Variants in HNRNPUL1 observed in about 807,000 individuals in gnomAD.
HNRNPUL1 encodes heterogeneous nuclear ribonucleoprotein U like 1.
In HNRNPUL1, 14 loss-of-function variants were observed where a neutral mutation model predicts 108.5. That is an observed-to-expected ratio of 0.13 (90% confidence interval 0.09 to 0.20). HNRNPUL1 has a LOEUF of 0.20. Ranked by LOEUF, HNRNPUL1 falls within the 10% of genes least tolerant of loss-of-function variation. The probability of loss-of-function intolerance (pLI) is 1.00; values close to 1 mark genes in which losing one functional copy is unlikely to be tolerated. For synonymous variants in HNRNPUL1, 422 were observed against 445.2 expected, an observed-to-expected ratio of 0.95 and a Z score of 0.66; for missense variants, 804 against 1,168.3, an observed-to-expected ratio of 0.69 and a Z score of 4.55.
intron 7 of HNRNPUL1, among the ~76,000 whole-genome samples, chr19:41,288,127 C>T (rs1461199332): frequency 7.2e-6 from 1 of 138,280 alleles, no homozygotes; most frequent in African/African-American, 2.7e-5. Flanking sequence ...TCTTTAGACA[C>T]CCCCCCTCCC....
Position 41,299,984 on chromosome 19 carries a change from G to A in HNRNPUL1, c.1519-1552G>A, listed in dbSNP as rs1443113310. The stretch of plus-strand genomic sequence containing the variant: ...CACGTGGACTCATTCAGTCCTCACA[G>A]CAACCCTAAGACATCCATGCCGTTT... On this transcript the variant is annotated intron_variant, in intron 10 of 14. Coordinates refer to ENST00000392006, the MANE Select transcript of HNRNPUL1 (RefSeq NM_007040.6). Among the ~76,000 whole-genome samples, 4 of 152,220 alleles carry A rather than the reference G, an allele frequency of 2.6e-5. No homozygotes were observed. In the East Asian group the frequency reaches 7.7e-4, roughly 29 times the overall value.
Position 41,292,875 on chromosome 19 carries a change from C to T in HNRNPUL1, c.1266+364C>T, listed in dbSNP as rs575438677. On this transcript the variant is annotated intron_variant, in intron 8 of 14. Coordinates refer to ENST00000392006, the MANE Select transcript of HNRNPUL1 (RefSeq NM_007040.6). This position sits in a 1 kb window ranked among gnomAD's most constrained non-coding sequence, Gnocchi z 4.1. ...TTTTTTTTCTTTAGAGACAGGGTCTCGCTCTGTCACCCAGGCTGGAGTGCA... is the reference window on the plus strand; with the variant it reads ...TTTTTTTTCTTTAGAGACAGGGTCTTGCTCTGTCACCCAGGCTGGAGTGCA... Among the ~76,000 whole-genome samples the T allele has an allele frequency of 3.9e-5, 6 of 152,116 alleles. No homozygotes were observed. Among genetic ancestry groups the T allele is most frequent in the South Asian group, 2.1e-4 (1 of 4,808 alleles).
chr19:41,285,907 G>A (rs1050375292), intron 7 of HNRNPUL1, among the ~76,000 whole-genome samples: 9 of 152,106 alleles, frequency 5.9e-5, no homozygotes, highest in Non-Finnish European at 7.3e-5. Context: ...AGTGGCTCAC[G>A]CCTGTAATCC....
At chr19:41,291,347 G>T (rs755999646) in intron 7 of HNRNPUL1, among the ~76,000 whole-genome samples, 1 of 152,208 alleles carries the variant, frequency 6.6e-6, no homozygotes, top group Non-Finnish European at 1.5e-5. Flanking sequence ...GCAGACATGT[G>T]TATCAGAAAG....
At chr19:41,282,216 CTT>C (rs1380125976) in intron 7 of HNRNPUL1, among the ~76,000 whole-genome samples, 1 of 152,002 alleles carries the variant, frequency 6.6e-6, no homozygotes, top group Non-Finnish European at 1.5e-5. Flanking sequence ...GTTTTTTGCT[CTT>C]GTTGCCCAGG....
intron 7 of HNRNPUL1, among the ~76,000 whole-genome samples, chr19:41,282,018 A>G (rs1158590029): frequency 6.6e-6 from 1 of 152,226 alleles, no homozygotes; most frequent in Non-Finnish European, 1.5e-5. Context: ...AGTGCTCAGT[A>G]AATACCACTT....
At chr19:41,271,186 C>T (rs552744026) in intron 2 of HNRNPUL1, among the ~76,000 whole-genome samples, 4 of 152,308 alleles carry the variant, frequency 2.6e-5, no homozygotes, top group Admixed American at 6.5e-5. Flanking sequence ...GTTAAATCCC[C>T]AGACATTTCT....
intron 4 of HNRNPUL1, among the ~76,000 whole-genome samples, chr19:41,275,940 TAAA>T (rs111925003): frequency 2.0e-5 from 3 of 151,952 alleles, no homozygotes; most frequent in Admixed American, 6.6e-5. Context: ...CTATCTCTAC[TAAA>T]AAATACAAAA....
chr19:41,290,982 G>T (rs2036543586), intron 7 of HNRNPUL1, among the ~76,000 whole-genome samples: 1 of 152,224 alleles, frequency 6.6e-6, no homozygotes, highest in African/African-American at 2.4e-5. Context: ...GGAGGCGGAG[G>T]TTGTGGTGGG....
intron 6 of HNRNPUL1, among the ~76,000 whole-genome samples, chr19:41,280,634 C>T (rs986710499): frequency 6.6e-5 from 10 of 152,146 alleles, no homozygotes; most frequent in Non-Finnish European, 1.3e-4. Context: ...TCTTTGGGTT[C>T]TGCCCGGAAT....
At chr19:41,275,640 G>C (rs975425118) in intron 4 of HNRNPUL1, among the ~76,000 whole-genome samples, 12 of 152,162 alleles carry the variant, frequency 7.9e-5, no homozygotes, top group Non-Finnish European at 1.6e-4. Context: ...GTTCCTCTCT[G>C]AGGTCATACA....
At position 41,294,889 on chromosome 19, in the gene HNRNPUL1, TACTC is replaced by T. The variant is rs2036796415; in HGVS notation, c.1518+205_1518+208del. Among the ~76,000 whole-genome samples, 3 of 152,162 alleles carry T rather than the reference TACTC, an allele frequency of 2.0e-5. No individual in the cohort carries two copies. Among genetic ancestry groups the T allele is most frequent in the Non-Finnish European group, 4.4e-5 (3 of 68,034 alleles). On this transcript the variant is annotated intron_variant, in intron 10 of 14. Coordinates refer to ENST00000392006, the MANE Select transcript of HNRNPUL1 (RefSeq NM_007040.6). This position sits in a 1 kb window ranked among gnomAD's most constrained non-coding sequence, Gnocchi z 4.3. ...ACTGGGATCATGATCTAGGCCTACT[TACTC>T]AGACTCATCAGCAGCCCCAAAGAAC...
At chr19:41,279,552 C>T (rs1599791102) in intron 6 of HNRNPUL1, among the ~76,000 whole-genome samples, 1 of 152,100 alleles carries the variant, frequency 6.6e-6, no homozygotes, top group African/African-American at 2.4e-5. Flanking sequence ...GGAGCCTAAC[C>T]TAGAGGAAAA....
At chr19:41,274,159 T>C (rs1160949958) in intron 4 of HNRNPUL1, 104 bp downstream of exon 4, 35 of 931,410 alleles carry the variant, frequency 3.8e-5, no homozygotes, top group Middle Eastern at 2.1e-4. Flanking sequence ...CCAAAGACAT[T>C]GTTAGTCCAC....
Position 41,268,217 on chromosome 19 carries a change from T to G in HNRNPUL1, c.296-6T>G, listed in dbSNP as rs1188377900. On this transcript the variant is annotated splice_polypyrimidine_tract_variant and splice_region_variant and intron_variant, in intron 1 of 14. Coordinates refer to ENST00000392006, the MANE Select transcript of HNRNPUL1 (RefSeq NM_007040.6). ...TCTAATTGGCCATTTTTAATTTTGT[T>G]TTAAGATGCCATGGACAATATTACC... 1 of 1,611,858 alleles carries G rather than the reference T, an allele frequency of 6.2e-7. No individual in the cohort carries two copies. The highest frequency in any genetic ancestry group is 1.1e-5 in the South Asian group (1 of 90,594).
chr19:41,274,181 G>A (rs2122539728), intron 4 of HNRNPUL1, 126 bp downstream of exon 4: 5 of 774,516 alleles, frequency 6.5e-6, no homozygotes, highest in Admixed American at 2.0e-5. Context: ...TGTGAGACAC[G>A]GCTTAGCTCT....
In HNRNPUL1 at chr19:41,302,261, C is replaced by T. The variant is rs182474577; in HGVS notation, c.1688-404C>T. On this transcript the variant is annotated intron_variant, in intron 11 of 14. Transcript: ENST00000392006. ...GGAGAGGGAGTCTTGCCCTGTCACC[C>T]AGGCTGGAGTATAGTGGTGCGATCT... is the stretch of plus-strand genomic sequence containing the variant. The T allele has an allele frequency of 7.2e-4, 115 of 160,676 alleles. 1 individual carries two copies. Among genetic ancestry groups the T allele is most frequent in the East Asian group, 1.0e-3 (6 of 5,746 alleles). 10.0% of individuals were successfully genotyped at this position (160,676 alleles called of 1,614,324 possible). A position where few individuals can be genotyped will look rare whatever the true frequency, so the allele number is the denominator to read the frequency against.
At chr19:41,293,477 A>G (rs1049196563) in intron 8 of HNRNPUL1, among the ~76,000 whole-genome samples, 4 of 152,204 alleles carry the variant, frequency 2.6e-5, no homozygotes, top group East Asian at 3.9e-4. Flanking sequence ...GTCATTCTTA[A>G]TGGCCTTACA....
At chr19:41,293,315 C>G (rs1010623386) in intron 8 of HNRNPUL1, among the ~76,000 whole-genome samples, 3 of 152,164 alleles carry the variant, frequency 2.0e-5, no homozygotes, top group Non-Finnish European at 2.9e-5. Flanking sequence ...GTTTTATGCT[C>G]ACAAACATTT....
Sources: gnomAD v4.1 joint callset for allele counts (sites outside exome capture counted in the v4.1 genomes callset) on GRCh38, gnomAD v4.1.1 for gene constraint, Gnocchi (gnomAD v3.1) non-coding constraint, MANE v1.5 for transcripts, NCBI Gene and HGNC (gene_info 2026-07-23, HGNC 2026-07-21) for gene names.